The following SCHIP1 variants were observed in gnomAD, a reference collection of about 807,000 sequenced individuals.
The protein encoded by SCHIP1 is schwannomin interacting protein 1.
SCHIP1 carries 8 observed loss-of-function variants against 29.7 expected under a neutral mutation model. The observed-to-expected ratio is 0.27, with a 90% CI of 0.16 to 0.49. The LOEUF is 0.49. Among genes scored for constraint, SCHIP1 ranks in the 20% least tolerant of loss-of-function variants. The pLI is 0.99. For synonymous variants in SCHIP1, 76 were observed against 94.9 expected, an observed-to-expected ratio of 0.80 and a Z score of 1.16; for missense variants, 193 against 294.6, an observed-to-expected ratio of 0.66 and a Z score of 2.52.
chr3:159,558,372 G>A, the SCHIP1 span, among the ~76,000 whole-genome samples: 2 of 152,004 alleles, frequency 1.3e-5, no homozygotes, highest in Non-Finnish European at 2.9e-5. Context: ...TATTGTCCTG[G>A]AAACAAGAAG....
At chr3:159,602,720 AG>A in the SCHIP1 span, among the ~76,000 whole-genome samples, 23 of 107,344 alleles carry the variant, frequency 2.1e-4, no homozygotes, top group East Asian at 2.3e-3. Context: ...AAAAAAAAAA[AG>A]AAAGAAACAA....
chr3:159,330,970 C>A, the SCHIP1 span, among the ~76,000 whole-genome samples: 4 of 152,284 alleles, frequency 2.6e-5, no homozygotes, highest in Non-Finnish European at 5.9e-5. Context: ...AAATTTATAT[C>A]TCCTCCCCAG....
chr3:159,840,299 G>T, intron 1 of SCHIP1: 1 of 1,187,494 alleles, frequency 8.4e-7, no homozygotes, highest in East Asian at 2.5e-5. Context: ...GCCTCTTTCC[G>T]GATATTCAGG....
the SCHIP1 span, among the ~76,000 whole-genome samples, chr3:159,553,805 G>A: frequency 2.9e-4 from 44 of 151,260 alleles, no homozygotes; most frequent in Admixed American, 5.3e-4. Flanking sequence ...TTGTTTGTTG[G>A]TTTTTTGTTT....
the SCHIP1 span, among the ~76,000 whole-genome samples, chr3:159,367,869 C>A: frequency 6.6e-6 from 1 of 152,024 alleles, no homozygotes; most frequent in Non-Finnish European, 1.5e-5. Flanking sequence ...TCATTAATTG[C>A]CAAATGAATG....
chr3:159,370,573 A>C, the SCHIP1 span, among the ~76,000 whole-genome samples: 1 of 152,214 alleles, frequency 6.6e-6, no homozygotes, highest in African/African-American at 2.4e-5. Flanking sequence ...GAGTGTTTCC[A>C]GAAGAAAGCA....
the SCHIP1 span, among the ~76,000 whole-genome samples, chr3:159,626,236 A>C: frequency 2.2e-5 from 2 of 92,174 alleles, 1 homozygote; most frequent in Non-Finnish European, 4.1e-5. Flanking sequence ...ATATCTAGAT[A>C]TATCTATCTA....
At chr3:159,523,980 A>T in the SCHIP1 span, among the ~76,000 whole-genome samples, 4 of 152,214 alleles carry the variant, frequency 2.6e-5, no homozygotes, top group East Asian at 5.8e-4. Context: ...CTTGGTGATT[A>T]TTTCCAGCCC....
At chr3:159,859,232 T>A (rs1487271251) in intron 1 of SCHIP1, among the ~76,000 whole-genome samples, 3 of 152,252 alleles carry the variant, frequency 2.0e-5, no homozygotes, top group African/African-American at 7.2e-5. Flanking sequence ...TATATTCTGG[T>A]CTAGTGACAA....
chr3:159,418,960 A>G, the SCHIP1 span, among the ~76,000 whole-genome samples: 3 of 152,234 alleles, frequency 2.0e-5, no homozygotes, highest in Non-Finnish European at 2.9e-5. Flanking sequence ...TAAGTATGCT[A>G]TAGAAATTCA....
the SCHIP1 span, among the ~76,000 whole-genome samples, chr3:159,681,286 T>TG: frequency 3.4e-5 from 5 of 146,788 alleles, no homozygotes; most frequent in East Asian, 7.8e-4. Flanking sequence ...AGAGGAGAAA[T>TG]GGGGAAAAAA....
the SCHIP1 span, among the ~76,000 whole-genome samples, chr3:159,333,594 T>C: frequency 6.6e-6 from 1 of 152,120 alleles, no homozygotes; most frequent in Non-Finnish European, 1.5e-5. Context: ...AATACCATCC[T>C]CAACGAACAC....
the SCHIP1 span, among the ~76,000 whole-genome samples, chr3:159,323,252 T>A: frequency 6.6e-6 from 1 of 152,238 alleles, no homozygotes; most frequent in Non-Finnish European, 1.5e-5. Flanking sequence ...AAATAGGTAA[T>A]TATACAGATA....
chr3:159,558,942 G>A, the SCHIP1 span, among the ~76,000 whole-genome samples: 1 of 152,210 alleles, frequency 6.6e-6, no homozygotes, highest in Admixed American at 6.5e-5. Context: ...AATGAGCCCA[G>A]GAGTTCAAGA....
chr3:159,692,657 A>T, the SCHIP1 span, among the ~76,000 whole-genome samples: 1 of 152,104 alleles, frequency 6.6e-6, no homozygotes. Context: ...GCTTCCTTGC[A>T]TTGGAAAACC....
At chr3:159,399,039 A>C in the SCHIP1 span, 11 of 598,178 alleles carry the variant, frequency 1.8e-5, no homozygotes, top group Non-Finnish European at 2.1e-5. Flanking sequence ...CCAAACCCTC[A>C]CTCCCCTCCA....
intron 2 of SCHIP1, among the ~76,000 whole-genome samples, chr3:159,874,423 G>T (rs538190407): frequency 6.6e-5 from 10 of 152,184 alleles, no homozygotes; most frequent in African/African-American, 1.9e-4. Context: ...GGCCTTATAG[G>T]TTTATTGGTA....
chr3:159,605,505 T>A, the SCHIP1 span, among the ~76,000 whole-genome samples: 1 of 152,250 alleles, frequency 6.6e-6, no homozygotes, highest in East Asian at 1.9e-4. Flanking sequence ...AAACTGAGTA[T>A]CTGAGGGGTT....
At chr3:159,276,537 T>C in the SCHIP1 span, among the ~76,000 whole-genome samples, 5 of 152,346 alleles carry the variant, frequency 3.3e-5, no homozygotes, top group South Asian at 1.0e-3. Context: ...ATTTTACTGT[T>C]ATTCCTTTCT....
Sources: allele counts gnomAD v4.1 joint callset (sites outside exome capture counted in the v4.1 genomes callset), GRCh38; gene constraint gnomAD v4.1.1; transcripts MANE v1.5; gene names NCBI Gene and HGNC (gene_info 2026-07-23, HGNC 2026-07-21).